CNTNAP2: variants seen among roughly 807,000 people sequenced by gnomAD.
The protein encoded by CNTNAP2 is contactin associated protein 2.
A neutral mutation model predicts 155.2 loss-of-function variants in CNTNAP2; 98 were observed. The ratio of observed to expected loss-of-function variants is 0.63; its 90% confidence interval spans 0.54 to 0.75. CNTNAP2 has a LOEUF of 0.75. Among genes scored for constraint, CNTNAP2 ranks in the 30% least tolerant of loss-of-function variants. The pLI is 0.00. For missense variants in CNTNAP2, 1,727 were observed against 1,688.1 expected (o/e 1.02, Z -0.40); for synonymous variants, 651 against 631.2 (o/e 1.03, Z -0.47).
At chr7:148,388,294 C>A (rs1426169777) in intron 22 of CNTNAP2, among the ~76,000 whole-genome samples, 3 of 119,488 alleles carry the variant, frequency 2.5e-5, no homozygotes, top group East Asian at 6.2e-4. Context: ...TCCCTCCCCC[C>A]TCCCCCCACC....
intron 1 of CNTNAP2, among the ~76,000 whole-genome samples, chr7:146,691,221 T>C (rs1362509424): frequency 6.6e-6 from 1 of 151,612 alleles, no homozygotes; most frequent in African/African-American, 2.4e-5. Context: ...ATAAAGCCAC[T>C]AATTTGGATC....
intron 1 of CNTNAP2, among the ~76,000 whole-genome samples, chr7:146,459,053 A>G (rs1399251116): frequency 6.6e-6 from 1 of 152,208 alleles, no homozygotes; most frequent in East Asian, 1.9e-4. Flanking sequence ...CTTAACAATC[A>G]GAAGGCAACA....
At chr7:147,797,580 G>A (rs1391882557) in intron 13 of CNTNAP2, among the ~76,000 whole-genome samples, 1 of 151,980 alleles carries the variant, frequency 6.6e-6, no homozygotes, top group East Asian at 1.9e-4. Flanking sequence ...ATAAGTTTTA[G>A]AAACACAAAG....
chr7:147,235,911 T>C (rs955761798), intron 8 of CNTNAP2, among the ~76,000 whole-genome samples: 1 of 152,216 alleles, frequency 6.6e-6, no homozygotes, highest in African/African-American at 2.4e-5. Flanking sequence ...CTTAATTTGC[T>C]ACTTTTAAAT....
chr7:148,256,679 G>A (rs1051832988), intron 20 of CNTNAP2, among the ~76,000 whole-genome samples: 11 of 152,114 alleles, frequency 7.2e-5, no homozygotes, highest in African/African-American at 2.2e-4. Context: ...GCTCCCATGC[G>A]CAGGGGATTT....
chr7:148,326,928 G>A (rs1199054849), intron 21 of CNTNAP2, among the ~76,000 whole-genome samples: 1 of 151,768 alleles, frequency 6.6e-6, no homozygotes, highest in Non-Finnish European at 1.5e-5. Flanking sequence ...TTGATTTAAG[G>A]CAGATGTGGG....
At chr7:147,310,693 C>T (rs1415778801) in intron 9 of CNTNAP2, among the ~76,000 whole-genome samples, 1 of 151,994 alleles carries the variant, frequency 6.6e-6, no homozygotes. Context: ...AAAAAGAAAT[C>T]TTTAATGTAT....
intron 15 of CNTNAP2, among the ~76,000 whole-genome samples, chr7:148,005,812 A>T (rs1178655578): frequency 6.6e-6 from 1 of 152,156 alleles, no homozygotes; most frequent in African/African-American, 2.4e-5. Context: ...GTCCAGCACG[A>T]TTTGGAAGTA....
chr7:147,559,382 T>G (rs1357913024), intron 11 of CNTNAP2, among the ~76,000 whole-genome samples: 2 of 152,184 alleles, frequency 1.3e-5, no homozygotes, highest in Non-Finnish European at 2.9e-5. Context: ...TACACATAGA[T>G]GAAGATCTGT....
intron 1 of CNTNAP2, among the ~76,000 whole-genome samples, chr7:146,175,131 G>A (rs952484467): frequency 3.9e-5 from 6 of 152,118 alleles, no homozygotes; most frequent in African/African-American, 1.4e-4. Flanking sequence ...AGATTGTTAA[G>A]GAAGAAATGG....
chr7:146,864,317 A>C (rs1795160933), intron 3 of CNTNAP2, among the ~76,000 whole-genome samples: 1 of 152,148 alleles, frequency 6.6e-6, no homozygotes, highest in Admixed American at 6.6e-5. Flanking sequence ...AAAAATCAGT[A>C]ATGCAAATCA....
At chr7:146,810,348 G>T (rs1187288531) in intron 2 of CNTNAP2, among the ~76,000 whole-genome samples, 2 of 147,698 alleles carry the variant, frequency 1.4e-5, no homozygotes, top group Admixed American at 1.3e-4. Context: ...TTTATTTGGG[G>T]CTTCTTCAAT....
chr7:146,926,175 ATAAC>A (rs1585161109), intron 3 of CNTNAP2, among the ~76,000 whole-genome samples: 2 of 152,240 alleles, frequency 1.3e-5, no homozygotes, highest in East Asian at 1.9e-4. Flanking sequence ...TTATTATTAA[ATAAC>A]TAACCATGAA....
At chr7:147,632,774 G>A (rs1349137706) in intron 12 of CNTNAP2, among the ~76,000 whole-genome samples, 1 of 152,172 alleles carries the variant, frequency 6.6e-6, no homozygotes, top group Non-Finnish European at 1.5e-5. Flanking sequence ...ACAAGAAAAT[G>A]TGGGAAAGTT....
chr7:146,525,562 A>ATCTC (rs1171278723), intron 1 of CNTNAP2, among the ~76,000 whole-genome samples: 1 of 147,308 alleles, frequency 6.8e-6, no homozygotes, highest in Admixed American at 6.6e-5. Flanking sequence ...CTATCTATCT[A>ATCTC]TCTATCTATC....
intron 21 of CNTNAP2, among the ~76,000 whole-genome samples, chr7:148,317,795 G>A (rs1797716593): frequency 6.6e-6 from 1 of 151,994 alleles, no homozygotes; most frequent in African/African-American, 2.4e-5. Context: ...CCGCCTCCCG[G>A]GTTCATGCCA....
chr7:147,521,753 C>A lies in CNTNAP2; in HGVS notation c.1777+35712C>A, dbSNP rs143053742. Among the ~76,000 whole-genome samples, 283 of 152,280 alleles carry A rather than the reference C, an allele frequency of 1.9e-3. 1 individual carries two copies. Among genetic ancestry groups the A allele is most frequent in the African/African-American group, 6.4e-3 (265 of 41,546 alleles). On this transcript the variant is annotated intron_variant, in intron 11 of 23. Coordinates refer to ENST00000361727, the MANE Select transcript of CNTNAP2 (RefSeq NM_014141.6). Reference sequence around the variant, plus strand: ...AGAGAGAGGCCCAAAGTCACCTTGGCTAAAGTCCCTCTGTGTGGAAACATG... The same window carrying A: ...AGAGAGAGGCCCAAAGTCACCTTGGATAAAGTCCCTCTGTGTGGAAACATG...
In CNTNAP2 at chr7:147,262,452, G is replaced by A. The variant is rs1454257706; in HGVS notation, c.1349-37689G>A. Among the ~76,000 whole-genome samples, 3 of 152,076 alleles carry A rather than the reference G, an allele frequency of 2.0e-5. No homozygotes were observed. The East Asian group carries it at 5.8e-4, about 29-fold the overall frequency. ...CGGTGTTCTCTAGTTCGGTCTCACT[G>A]GCATCCTTAAGAGGAGATTAGGACA... On this transcript the variant is annotated intron_variant, in intron 8 of 23. Transcript: ENST00000361727.
At chr7:147,398,942 C>T (rs934975936) in intron 10 of CNTNAP2, among the ~76,000 whole-genome samples, 2 of 151,778 alleles carry the variant, frequency 1.3e-5, no homozygotes, top group African/African-American at 2.4e-5. Context: ...GGAAGCCTGG[C>T]ATGTCAGTAG....
Sources: allele counts gnomAD v4.1 joint callset (sites outside exome capture counted in the v4.1 genomes callset), GRCh38; gene constraint gnomAD v4.1.1; transcripts MANE v1.5; gene names NCBI Gene and HGNC (gene_info 2026-07-23, HGNC 2026-07-21).